PIGL: variants seen among roughly 807,000 people sequenced by gnomAD.
PIGL encodes the protein N-acetylglucosaminyl-phosphatidylinositol de-N-acetylase.
In PIGL, 22 loss-of-function variants were observed where a neutral mutation model predicts 31.1. The observed-to-expected ratio is 0.71, with a 90% CI of 0.51 to 1.01. PIGL has a LOEUF of 1.01. Among genes scored for constraint, PIGL ranks in the 50% least tolerant of loss-of-function variants. The pLI, the probability that PIGL is intolerant of heterozygous loss-of-function variation, is 0.00. For missense variants in PIGL, 302 were observed against 315.9 expected (o/e 0.96, Z 0.33); for synonymous variants, 131 against 117.4 (o/e 1.12, Z -0.75).
chr17:16,308,435 C>G (rs1424372939), intron 3 of PIGL, among the ~76,000 whole-genome samples: 1 of 152,180 alleles, frequency 6.6e-6, no homozygotes, highest in Non-Finnish European at 1.5e-5. Flanking sequence ...GCCTCAAACC[C>G]TCTATCTCAA....
chr17:16,217,631 CTGGTGG>C, intron 1 of PIGL, 170 bp downstream of exon 1: 7 of 542,300 alleles, frequency 1.3e-5, no homozygotes, highest in South Asian at 1.2e-4. Flanking sequence ...GCCGGCTTAC[CTGGTGG>C]GTTGGGGGAC....
At chr17:16,311,943 A>G (rs1249919815) in intron 3 of PIGL, among the ~76,000 whole-genome samples, 2 of 152,064 alleles carry the variant, frequency 1.3e-5, no homozygotes, top group Non-Finnish European at 2.9e-5. Context: ...CGCCATCGTC[A>G]TCATGGCCCG....
intron 2 of PIGL, among the ~76,000 whole-genome samples, chr17:16,261,097 C>T (rs2092817368): frequency 2.1e-5 from 3 of 142,682 alleles, no homozygotes; most frequent in African/African-American, 7.9e-5. Flanking sequence ...TCAGCCTGGG[C>T]AACAGAGTGG....
At chr17:16,232,560 A>G (rs2092683337) in intron 1 of PIGL, among the ~76,000 whole-genome samples, 1 of 152,192 alleles carries the variant, frequency 6.6e-6, no homozygotes. Context: ...ACTGGCCCCA[A>G]TAAAACACAT....
intron 4 of PIGL, among the ~76,000 whole-genome samples, chr17:16,314,079 A>G (rs1306971109): frequency 6.6e-6 from 1 of 152,220 alleles, no homozygotes; most frequent in African/African-American, 2.4e-5. Context: ...GAGGATATAC[A>G]TACATAATAT....
At chr17:16,320,435 G>A (rs1465885920) in intron 6 of PIGL, among the ~76,000 whole-genome samples, 2 of 102,246 alleles carry the variant, frequency 2.0e-5, no homozygotes, top group East Asian at 3.4e-4. Flanking sequence ...AAGGGAGGGA[G>A]GGAAGGAAAG....
intron 2 of PIGL, among the ~76,000 whole-genome samples, chr17:16,235,701 C>A (rs950246907): frequency 6.6e-6 from 1 of 151,378 alleles, no homozygotes; most frequent in African/African-American, 2.4e-5. Context: ...GATCCACCTG[C>A]CTCGGCCTCC....
At chr17:16,317,601 C>G (rs2093083504) in intron 5 of PIGL, 174 bp from the exon 6 acceptor site, 6 of 1,419,380 alleles carry the variant, frequency 4.2e-6, no homozygotes, top group Non-Finnish European at 5.5e-6. Context: ...TTTACTCGTT[C>G]TAGCTGCAAG....
chr17:16,296,455 C>CAAAAA (rs1225607383), intron 2 of PIGL, among the ~76,000 whole-genome samples: 2 of 151,550 alleles, frequency 1.3e-5, no homozygotes, highest in African/African-American at 2.4e-5. Context: ...ACTAAAAATA[C>CAAAAA]AAAAATTAGC....
chr17:16,250,348 G>A (rs2092765969), intron 2 of PIGL, among the ~76,000 whole-genome samples: 2 of 152,100 alleles, frequency 1.3e-5, no homozygotes, highest in African/African-American at 4.8e-5. Context: ...TATATATAGG[G>A]TTCAGTACCA....
chr17:16,246,194 G>C lies in PIGL; in HGVS notation c.335+12124G>C, dbSNP rs2092746081. Among the ~76,000 whole-genome samples, 5 of 151,574 alleles carry C rather than the reference G, an allele frequency of 3.3e-5. No individual in the cohort carries two copies. The South Asian group carries it at 1.0e-3, about 32-fold the overall frequency. On this transcript the variant is annotated intron_variant, in intron 2 of 6. Transcript: ENST00000225609. ...AGCATCACTCCCCTACTCGTGAAAT[G>C]CTATAGTAGAGGGATAGTAAGCCTA...
At chr17:16,280,608 T>C (rs557606213) in intron 2 of PIGL, among the ~76,000 whole-genome samples, 2 of 152,304 alleles carry the variant, frequency 1.3e-5, no homozygotes, top group East Asian at 3.9e-4. Context: ...AAATGGTACA[T>C]TTGTTACACT....
At chr17:16,233,143 A>G (rs2092686021) in intron 1 of PIGL, among the ~76,000 whole-genome samples, 1 of 151,990 alleles carries the variant, frequency 6.6e-6, no homozygotes, top group Non-Finnish European at 1.5e-5. Flanking sequence ...TCTCCACTTA[A>G]CTGGTGAAGA....
At chr17:16,222,917 C>G (rs2092635857) in intron 1 of PIGL, among the ~76,000 whole-genome samples, 1 of 151,984 alleles carries the variant, frequency 6.6e-6, no homozygotes, top group South Asian at 2.1e-4. Context: ...GAGGCTGAGA[C>G]AGGAGAATCG....
chr17:16,240,991 G>A (rs1387466180), intron 2 of PIGL, among the ~76,000 whole-genome samples: 2 of 151,000 alleles, frequency 1.3e-5, no homozygotes, highest in African/African-American at 4.9e-5. Context: ...GCACATCCCT[G>A]TAATCCCAGC....
chr17:16,287,488 G>A (rs969159764), intron 2 of PIGL, among the ~76,000 whole-genome samples: 12 of 152,188 alleles, frequency 7.9e-5, no homozygotes, highest in African/African-American at 2.7e-4. Context: ...CCCCAATAAA[G>A]TACACACTAA....
chr17:16,313,689 C>A, intron 4 of PIGL, 75 bp downstream of exon 4: 1 of 1,153,160 alleles, frequency 8.7e-7, no homozygotes, highest in Non-Finnish European at 1.3e-6. Flanking sequence ...AAGTCTAAAG[C>A]ACTTTCCCAC....
At chr17:16,241,459 A>G (rs920112701) in intron 2 of PIGL, among the ~76,000 whole-genome samples, 1 of 151,330 alleles carries the variant, frequency 6.6e-6, no homozygotes, top group Admixed American at 6.6e-5. Flanking sequence ...GTGGTGGTGC[A>G]TGGAGGCTGA....
chr17:16,269,790 A>G (rs911666686), intron 2 of PIGL, among the ~76,000 whole-genome samples: 11 of 151,872 alleles, frequency 7.2e-5, no homozygotes, highest in Admixed American at 6.6e-4. Context: ...AGATGATCCT[A>G]AGGCACAGTA....
Sources: allele counts gnomAD v4.1 joint callset (sites outside exome capture counted in the v4.1 genomes callset), GRCh38; gene constraint gnomAD v4.1.1; transcripts MANE v1.5; gene names NCBI Gene and HGNC (gene_info 2026-07-23, HGNC 2026-07-21).